CDKAL1: variants seen among roughly 807,000 people sequenced by gnomAD.
CDKAL1 encodes the protein CDKAL1 threonylcarbamoyladenosine tRNA methylthiotransferase.
CDKAL1 carries 32 observed loss-of-function variants against 68.2 expected under a neutral mutation model. The ratio of observed to expected loss-of-function variants is 0.47; its 90% confidence interval spans 0.35 to 0.63. The LOEUF (loss-of-function observed/expected upper bound fraction) is 0.63, where lower values mean the gene tolerates loss of function less well. CDKAL1 is among the 30% of genes least tolerant of loss of function. The pLI, the probability that CDKAL1 is intolerant of heterozygous loss-of-function variation, is 0.00. For missense variants in CDKAL1, 606 were observed against 696.7 expected (o/e 0.87, Z 1.47); for synonymous variants, 234 against 244.3 (o/e 0.96, Z 0.39).
chr6:20,976,598 G>T (rs1765858593), intron 10 of CDKAL1, among the ~76,000 whole-genome samples: 1 of 152,128 alleles, frequency 6.6e-6, no homozygotes, highest in Admixed American at 6.5e-5. Flanking sequence ...ACTTGGATGT[G>T]ACTATCACCT....
intron 4 of CDKAL1, among the ~76,000 whole-genome samples, chr6:20,596,960 C>T (rs1201229160): frequency 6.6e-6 from 1 of 152,174 alleles, no homozygotes; most frequent in Non-Finnish European, 1.5e-5. Flanking sequence ...GCTTGCCCCC[C>T]ATGGGCTGCC....
At chr6:20,969,431 G>A (rs1400613984) in intron 10 of CDKAL1, among the ~76,000 whole-genome samples, 2 of 152,154 alleles carry the variant, frequency 1.3e-5, no homozygotes, top group African/African-American at 2.4e-5. Context: ...AGGCTGAGGA[G>A]GAGGAAGAAG....
At chr6:21,196,535 G>A (rs1274090442) in intron 13 of CDKAL1, among the ~76,000 whole-genome samples, 3 of 152,112 alleles carry the variant, frequency 2.0e-5, no homozygotes, top group Non-Finnish European at 4.4e-5. Flanking sequence ...GGCTAAGAGG[G>A]CTATATTTTG....
Position 20,913,116 on chromosome 6 carries a change from T to TACACACACACAC in CDKAL1, c.743-42271_743-42260dup, listed in dbSNP as rs70990080. 5.2e-3 allele frequency among the ~76,000 whole-genome samples: 710 copies of TACACACACACAC among 136,508 alleles called. 4 individuals carry two copies. Among genetic ancestry groups the TACACACACACAC allele is most frequent in the African/African-American group, 1.0e-2 (351 of 35,230 alleles). 89.6% of individuals were successfully genotyped at this position (136,508 alleles called of 152,430 possible). Reference sequence around the variant, plus strand: ...ATAGAACCATTGAACCACAGTTGTTTACACACACACACACACACACACACA... The same window carrying TACACACACACAC: ...ATAGAACCATTGAACCACAGTTGTTTACACACACACACACACACACACACACACACACACACA... On this transcript the variant is annotated intron_variant, in intron 9 of 15. Coordinates refer to ENST00000274695, the MANE Select transcript of CDKAL1 (RefSeq NM_017774.3).
chr6:20,975,617 A>G (rs145270654), intron 10 of CDKAL1, among the ~76,000 whole-genome samples: 53 of 152,336 alleles, frequency 3.5e-4, no homozygotes, highest in African/African-American at 1.3e-3. Context: ...TTTTCAAAGT[A>G]AAAATAGTCT....
intron 9 of CDKAL1, among the ~76,000 whole-genome samples, chr6:20,867,464 A>G (rs1759970973): frequency 6.6e-6 from 1 of 152,210 alleles, no homozygotes; most frequent in Non-Finnish European, 1.5e-5. Context: ...AACACGATTT[A>G]TGTTTGAAGT....
At chr6:20,794,661 T>C (rs940279898) in intron 8 of CDKAL1, among the ~76,000 whole-genome samples, 1 of 152,084 alleles carries the variant, frequency 6.6e-6, no homozygotes, top group Non-Finnish European at 1.5e-5. Flanking sequence ...ATTTTAGAGA[T>C]TTAAAATCTT....
chr6:21,143,483 G>A (rs766974828), intron 13 of CDKAL1, among the ~76,000 whole-genome samples: 1 of 152,148 alleles, frequency 6.6e-6, no homozygotes, highest in South Asian at 2.1e-4. Context: ...AGCAGCCTTA[G>A]ACAAAAGCTT....
intron 4 of CDKAL1, among the ~76,000 whole-genome samples, chr6:20,625,782 A>G (rs1220893201): frequency 6.6e-6 from 1 of 152,166 alleles, no homozygotes; most frequent in Non-Finnish European, 1.5e-5. Flanking sequence ...ATTATAGATT[A>G]TCATCTTAGA....
rs1479637232 is a variant in CDKAL1 at position 21,146,524 on chromosome 6, G to GTTA, written c.1299+38064_1299+38066dup. Among the ~76,000 whole-genome samples, 3 of 152,248 alleles carry GTTA rather than the reference G, an allele frequency of 2.0e-5. No individual in the cohort carries two copies. In the South Asian group the frequency reaches 6.2e-4, roughly 32 times the overall value. On this transcript the variant is annotated intron_variant, in intron 13 of 15. Transcript: ENST00000274695. ...AAAACTCTTTTTGACAGCCTCTAGT[G>GTTA]TTATTTGTGGGATAGACTGGTCCCT...
chr6:21,160,588 A>G (rs1324778335), intron 13 of CDKAL1, among the ~76,000 whole-genome samples: 4 of 134,798 alleles, frequency 3.0e-5, no homozygotes, highest in African/African-American at 8.4e-5. Context: ...GAGCCACCGC[A>G]CCCAGCCAAG....
chr6:20,657,684 A>G (rs909061382), intron 5 of CDKAL1, among the ~76,000 whole-genome samples: 2 of 152,090 alleles, frequency 1.3e-5, no homozygotes, highest in African/African-American at 4.8e-5. Flanking sequence ...TTATGGACTG[A>G]ATTATTTTGT....
chr6:20,845,283 T>C (rs1778336209), intron 8 of CDKAL1, among the ~76,000 whole-genome samples: 1 of 152,186 alleles, frequency 6.6e-6, no homozygotes, highest in Admixed American at 6.5e-5. Context: ...GAGTCTTATC[T>C]TTTTGATATA....
chr6:20,645,179 G>A (rs74766473), intron 4 of CDKAL1, among the ~76,000 whole-genome samples: 1 of 152,118 alleles, frequency 6.6e-6, no homozygotes, highest in Non-Finnish European at 1.5e-5. Context: ...GGTGGTGAGT[G>A]AATGTGAAGG....
chr6:20,752,167 A>G (rs1446416130), intron 6 of CDKAL1, among the ~76,000 whole-genome samples: 1 of 151,780 alleles, frequency 6.6e-6, no homozygotes, highest in Non-Finnish European at 1.5e-5. Flanking sequence ...CGTACTGGAA[A>G]CCAAAATGGA....
At chr6:20,984,117 G>T (rs1318568230) in intron 10 of CDKAL1, among the ~76,000 whole-genome samples, 1 of 152,210 alleles carries the variant, frequency 6.6e-6, no homozygotes, top group Non-Finnish European at 1.5e-5. Context: ...ATGTGACTCA[G>T]CACATTGTCT....
At chr6:21,042,795 C>T (rs1770003962) in intron 11 of CDKAL1, among the ~76,000 whole-genome samples, 1 of 152,126 alleles carries the variant, frequency 6.6e-6, no homozygotes, top group South Asian at 2.1e-4. Context: ...GCTCCTTTTC[C>T]CCAAACTTCT....
chr6:21,215,254 G>A (rs13200422), intron 15 of CDKAL1, among the ~76,000 whole-genome samples: 29,318 of 152,102 alleles, frequency 0.19, 2,999 homozygotes, highest in South Asian at 0.31. Context: ...GCATGTTCCC[G>A]TGGTAAAGGC....
chr6:20,904,497 C>T (rs1187768409), intron 9 of CDKAL1, among the ~76,000 whole-genome samples: 1 of 152,010 alleles, frequency 6.6e-6, no homozygotes, highest in Non-Finnish European at 1.5e-5. Flanking sequence ...GTTAGAAAGT[C>T]ACTACATGTG....
Sources: gnomAD v4.1 joint callset for allele counts (sites outside exome capture counted in the v4.1 genomes callset) on GRCh38, gnomAD v4.1.1 for gene constraint, MANE v1.5 for transcripts, NCBI Gene and HGNC (gene_info 2026-07-23, HGNC 2026-07-21) for gene names.